ADCY9: variants seen among roughly 807,000 people sequenced by gnomAD.
ADCY9 encodes the protein adenylate cyclase type 9.
ADCY9 carries 50 observed loss-of-function variants against 101.5 expected under a neutral mutation model. That is an observed-to-expected ratio of 0.49 (90% CI 0.39 to 0.62). The LOEUF is 0.62. Ranked by LOEUF, ADCY9 falls within the 20% of genes least tolerant of loss-of-function variation. The pLI, the probability that ADCY9 is intolerant of heterozygous loss-of-function variation, is 0.00. For synonymous variants in ADCY9, 905 were observed against 769.3 expected, an observed-to-expected ratio of 1.18 and a Z score of -2.92; for missense variants, 1,662 against 1,800.4, an observed-to-expected ratio of 0.92 and a Z score of 1.39.
At chr16:4,052,325 G>A (rs867112448) in intron 2 of ADCY9, among the ~76,000 whole-genome samples, 1 of 152,354 alleles carries the variant, frequency 6.6e-6, no homozygotes, top group Middle Eastern at 3.4e-3. Context: ...TGGTGTGACA[G>A]TGCCCACGTC....
chr16:4,049,991 A>G lies in ADCY9; in HGVS notation c.1694-42433T>C, dbSNP rs190053522. The stretch of plus-strand genomic sequence containing the variant: ...GGCTGCAGTGAGCCGAGATCACACC[A>G]CTATACTCCAGCCTGGGTGACAGAG... On this transcript the variant is annotated intron_variant, in intron 2 of 10. Transcript: ENST00000294016. 3.3e-5 allele frequency among the ~76,000 whole-genome samples: 5 copies of G among 151,404 alleles called. No homozygotes were observed. In the East Asian group the frequency reaches 9.8e-4, roughly 30 times the overall value.
At chr16:4,107,700 G>C (rs2057086770) in intron 2 of ADCY9, among the ~76,000 whole-genome samples, 1 of 152,056 alleles carries the variant, frequency 6.6e-6, no homozygotes, top group Non-Finnish European at 1.5e-5. Context: ...GGAAGGAAGG[G>C]GAACACCTGA....
At chr16:4,062,740 AG>A in intron 2 of ADCY9, among the ~76,000 whole-genome samples, 1 of 152,322 alleles carries the variant, frequency 6.6e-6, no homozygotes, top group South Asian at 2.1e-4. Context: ...AAGACAAAAA[AG>A]TTATAAGAGA....
Position 4,115,919 on chromosome 16 carries a change from C to A in ADCY9, c.-273G>T. ...AACTCCGCTGGCGGCGCGGAGCCCT[C>A]CATCCTGCAGGAGCCGCGCTCCGAT... is the stretch of plus-strand genomic sequence containing the variant. On this transcript the variant is annotated 5_prime_UTR_variant, in exon 1 of 11. An upstream open reading frame in the 5' UTR gains an earlier in-frame stop. Coordinates refer to ENST00000294016, the MANE Select transcript of ADCY9 (RefSeq NM_001116.4). This position sits in a 1 kb window ranked among gnomAD's most constrained non-coding sequence, Gnocchi z 6.2. 1 of 390,472 alleles carries A rather than the reference C, an allele frequency of 2.6e-6. No homozygotes were observed. Among genetic ancestry groups the A allele is most frequent in the South Asian group, 1.3e-4 (1 of 7,738 alleles). 24.2% of individuals were successfully genotyped at this position (390,472 alleles called of 1,614,324 possible). A position where few individuals can be genotyped will look rare whatever the true frequency, so the allele number is the denominator to read the frequency against.
intron 10 of ADCY9, among the ~76,000 whole-genome samples, chr16:3,972,663 A>C (rs1045276817): frequency 6.6e-6 from 1 of 152,234 alleles, no homozygotes; most frequent in African/African-American, 2.4e-5. Flanking sequence ...AATAGAAAGC[A>C]AACATCACTT....
intron 2 of ADCY9, among the ~76,000 whole-genome samples, chr16:4,053,500 C>T (rs1270556562): frequency 1.3e-5 from 2 of 152,202 alleles, no homozygotes; most frequent in African/African-American, 2.4e-5. Flanking sequence ...ACGTGCGAGC[C>T]CGCCGTCTAT....
intron 3 of ADCY9, among the ~76,000 whole-genome samples, chr16:3,998,436 C>T (rs541055388): frequency 1.3e-4 from 19 of 151,826 alleles, no homozygotes; most frequent in Middle Eastern, 3.4e-3. Flanking sequence ...AGAAGCCAGG[C>T]GCAGTGGCTC....
intron 2 of ADCY9, among the ~76,000 whole-genome samples, chr16:4,046,088 T>G (rs1440992383): frequency 6.6e-6 from 1 of 152,040 alleles, no homozygotes; most frequent in Non-Finnish European, 1.5e-5. Flanking sequence ...TGGGCTCAAG[T>G]GATACTCCTG....
At chr16:4,059,476 A>C (rs1041999487) in intron 2 of ADCY9, among the ~76,000 whole-genome samples, 12 of 152,132 alleles carry the variant, frequency 7.9e-5, no homozygotes, top group Non-Finnish European at 2.9e-5. Context: ...TGGAATAATG[A>C]AGTGAGAAGC....
chr16:3,993,618 G>A (rs543406856), intron 3 of ADCY9, 108 bp from the exon 4 acceptor site: 433 of 1,397,016 alleles, frequency 3.1e-4, no homozygotes, highest in Non-Finnish European at 4.0e-4. Flanking sequence ...ATGGTGGTGA[G>A]CAAGGGGAAG....
Position 3,993,509 on chromosome 16 carries a change from G to A in ADCY9, c.1886C>T (p.Thr629Ile). ...AAATGTGATTCCGCACGAAGGGCAG[G>A]TCTAGAAGAAAAACACAGACTGTGG... Reference protein sequence around the residue: ...QTVKTFDNLKTCPSCGITFAP... With the variant: ...QTVKTFDNLKICPSCGITFAP... Residue 629 changes from threonine (T) to isoleucine (I), a missense_variant and splice_region_variant, in exon 4 of 11, where the codon ACC becomes ATC. Around this residue, in one of 5 missense-constraint regions of ADCY9, gnomAD observed 624 missense variants for 639.1 expected, o/e 0.98. Coordinates refer to ENST00000294016, the MANE Select transcript of ADCY9 (RefSeq NM_001116.4). 6.2e-7 allele frequency: 1 copy of A among 1,613,926 alleles called. No homozygotes were observed. Among genetic ancestry groups the A allele is most frequent in the Non-Finnish European group, 8.5e-7 (1 of 1,179,938 alleles).
chr16:4,005,924 C>T (rs1000232751), intron 3 of ADCY9, among the ~76,000 whole-genome samples: 1 of 152,186 alleles, frequency 6.6e-6, no homozygotes, highest in African/African-American at 2.4e-5. Context: ...CCCCTCCCTG[C>T]CCGGGTCCGC....
At chr16:4,073,183 C>T (rs2056845864) in intron 2 of ADCY9, among the ~76,000 whole-genome samples, 1 of 152,044 alleles carries the variant, frequency 6.6e-6, no homozygotes, top group African/African-American at 2.4e-5. Flanking sequence ...CAACCTCCGC[C>T]TCCTGGGTTC....
chr16:4,102,582 T>C (rs2057050421), intron 2 of ADCY9, among the ~76,000 whole-genome samples: 1 of 151,870 alleles, frequency 6.6e-6, no homozygotes, highest in Non-Finnish European at 1.5e-5. Flanking sequence ...TGTGCCACCA[T>C]GCCTGGCTAA....
intron 6 of ADCY9, among the ~76,000 whole-genome samples, chr16:3,987,078 G>A (rs1010490127): frequency 6.6e-6 from 1 of 152,198 alleles, no homozygotes; most frequent in Non-Finnish European, 1.5e-5. Flanking sequence ...GTGGGTGCTG[G>A]CCCCACTCTC....
At chr16:3,997,864 C>T (rs1355325955) in intron 3 of ADCY9, among the ~76,000 whole-genome samples, 9 of 152,004 alleles carry the variant, frequency 5.9e-5, no homozygotes, top group East Asian at 1.9e-4. Flanking sequence ...GAGGCTGAGG[C>T]GGGTGGATCA....
chr16:4,018,404 G>A (rs1295294135), intron 2 of ADCY9, among the ~76,000 whole-genome samples: 1 of 151,992 alleles, frequency 6.6e-6, no homozygotes, highest in Non-Finnish European at 1.5e-5. Context: ...GTACAGTTGG[G>A]GTTTCACCAT....
At chr16:4,074,716 C>CAAAA (rs55742993) in intron 2 of ADCY9, among the ~76,000 whole-genome samples, 5 of 100,430 alleles carry the variant, frequency 5.0e-5, no homozygotes, top group Admixed American at 2.3e-4. Flanking sequence ...TACCCAGTGG[C>CAAAA]AAAAAAAAAA....
At chr16:3,976,263 G>A (rs1165559406) in intron 9 of ADCY9, among the ~76,000 whole-genome samples, 2 of 152,142 alleles carry the variant, frequency 1.3e-5, no homozygotes, top group Non-Finnish European at 2.9e-5. Context: ...AAAGTGGTAG[G>A]ATTACAGGCG....
Sources: gnomAD v4.1 joint callset for allele counts (sites outside exome capture counted in the v4.1 genomes callset) on GRCh38, gnomAD v4.1.1 for gene constraint, gnomAD v4.1.1 regional missense constraint, Gnocchi (gnomAD v3.1) non-coding constraint, MANE v1.5 for transcripts, NCBI Gene and HGNC (gene_info 2026-07-23, HGNC 2026-07-21) for gene names.